The following KCNMA1 variants were observed in gnomAD, a reference collection of about 807,000 sequenced individuals.
The protein encoded by KCNMA1 is potassium calcium-activated channel subfamily M alpha 1.
Under a neutral mutation model 140.0 loss-of-function variants are expected in KCNMA1, and 29 were observed. That is an observed-to-expected ratio of 0.21 (90% confidence interval 0.15 to 0.28). The LOEUF (loss-of-function observed/expected upper bound fraction) is 0.28, where lower values mean the gene tolerates loss of function less well. Ranked by LOEUF, KCNMA1 falls within the 10% of genes least tolerant of loss-of-function variation. The pLI is 1.00. For synonymous variants in KCNMA1, 612 were observed against 611.9 expected, an observed-to-expected ratio of 1.00 and a Z score of 0.00; for missense variants, 880 against 1,602.2, an observed-to-expected ratio of 0.55 and a Z score of 7.70.
intron 2 of KCNMA1, among the ~76,000 whole-genome samples, chr10:77,377,972 G>T (rs879390165): frequency 6.6e-6 from 1 of 152,174 alleles, no homozygotes; most frequent in Non-Finnish European, 1.5e-5. Flanking sequence ...ATGAATATTT[G>T]CCCTTTCCAG....
At chr10:76,915,789 TC>T (rs1252538989) in intron 23 of KCNMA1, among the ~76,000 whole-genome samples, 2 of 152,134 alleles carry the variant, frequency 1.3e-5, no homozygotes, top group Non-Finnish European at 2.9e-5. Context: ...AGGAAGTGTT[TC>T]CTTGCTCTTA....
chr10:77,609,407 G>A (rs1397363916), intron 1 of KCNMA1, among the ~76,000 whole-genome samples: 1 of 152,214 alleles, frequency 6.6e-6, no homozygotes, highest in Non-Finnish European at 1.5e-5. Context: ...GAGCTCATAG[G>A]AGCAGAAAGC....
intron 1 of KCNMA1, among the ~76,000 whole-genome samples, chr10:77,536,433 G>A (rs2058898434): frequency 6.6e-6 from 1 of 152,124 alleles, no homozygotes; most frequent in Admixed American, 6.5e-5. Flanking sequence ...TCACTTCACT[G>A]ATCTTCAATA....
At chr10:76,880,363 A>G (rs1037653867), downstream of KCNMA1, among the ~76,000 whole-genome samples, 10 of 152,142 alleles carry the variant, frequency 6.6e-5, no homozygotes, top group South Asian at 1.0e-3. Context: ...TGCTGCCTCA[A>G]CACAAGGAGT....
At chr10:77,155,117 G>A (rs888762905) in intron 5 of KCNMA1, among the ~76,000 whole-genome samples, 25 of 152,174 alleles carry the variant, frequency 1.6e-4, no homozygotes, top group African/African-American at 4.3e-4. Context: ...TTTATGGGCC[G>A]TAAGGAGGTC....
chr10:77,547,055 A>G (rs1384299453), intron 1 of KCNMA1, among the ~76,000 whole-genome samples: 1 of 152,202 alleles, frequency 6.6e-6, no homozygotes, highest in South Asian at 2.1e-4. Flanking sequence ...AAGAGAGCCC[A>G]TAACTCCACA....
At position 77,334,121 on chromosome 10, in the gene KCNMA1, G is replaced by A. The variant is rs941179897; in HGVS notation, c.540+69741C>T. ...CCACCAGGCTGCTTATTATACTATCGGACATGTAAGCACTTTACTTGGAAA... is the reference window on the plus strand; with the variant it reads ...CCACCAGGCTGCTTATTATACTATCAGACATGTAAGCACTTTACTTGGAAA... On this transcript the variant is annotated intron_variant, in intron 2 of 27. Coordinates refer to ENST00000286628, the MANE Select transcript of KCNMA1 (RefSeq NM_001161352.2). Among the ~76,000 whole-genome samples, 10 of 151,956 alleles carry A rather than the reference G, an allele frequency of 6.6e-5. No homozygotes were observed. In the South Asian group the frequency reaches 1.0e-3, roughly 16 times the overall value.
At chr10:77,580,402 T>C (rs1183041158) in intron 1 of KCNMA1, among the ~76,000 whole-genome samples, 1 of 145,370 alleles carries the variant, frequency 6.9e-6, no homozygotes, top group African/African-American at 2.5e-5. Flanking sequence ...AAAAAAGAAA[T>C]GTCTTTATTT....
chr10:77,262,748 G>A (rs555264741), intron 2 of KCNMA1, among the ~76,000 whole-genome samples: 2 of 152,022 alleles, frequency 1.3e-5, no homozygotes, highest in African/African-American at 2.4e-5. Flanking sequence ...TTTGCCTTCC[G>A]CCATGATTGT....
At chr10:77,617,901 C>T (rs1182813889) in intron 1 of KCNMA1, among the ~76,000 whole-genome samples, 2 of 152,112 alleles carry the variant, frequency 1.3e-5, no homozygotes, top group Non-Finnish European at 2.9e-5. Context: ...TCGGGAGCCC[C>T]TTCAGCAGTC....
At chr10:77,171,717 C>A (rs182853219) in intron 5 of KCNMA1, among the ~76,000 whole-genome samples, 2 of 152,240 alleles carry the variant, frequency 1.3e-5, no homozygotes, top group Admixed American at 1.3e-4. Flanking sequence ...CTCAGCCCTA[C>A]CTTTCAGAGA....
intron 9 of KCNMA1, among the ~76,000 whole-genome samples, chr10:77,101,396 T>C (rs1370603004): frequency 2.6e-5 from 4 of 152,236 alleles, no homozygotes; most frequent in African/African-American, 4.8e-5. Context: ...TCCAAGATGT[T>C]CTGTCAACTT....
intron 1 of KCNMA1, among the ~76,000 whole-genome samples, chr10:77,579,016 G>T (rs552442835): frequency 6.6e-6 from 1 of 152,188 alleles, no homozygotes; most frequent in East Asian, 1.9e-4. Flanking sequence ...TCCCGGAGTC[G>T]TTGGGCTTCT....
chr10:77,470,637 G>A (rs2098129610), intron 1 of KCNMA1, among the ~76,000 whole-genome samples: 1 of 152,228 alleles, frequency 6.6e-6, no homozygotes, highest in South Asian at 2.1e-4. Context: ...AGAGCAGAAA[G>A]AAGGCACTTG....
chr10:77,003,980 T>C (rs1409107172), intron 18 of KCNMA1, among the ~76,000 whole-genome samples: 3 of 152,142 alleles, frequency 2.0e-5, no homozygotes, highest in African/African-American at 4.8e-5. Flanking sequence ...CTGGCGACCA[T>C]GCATTGTTCT....
chr10:77,143,341 G>A (rs958694499), intron 5 of KCNMA1, among the ~76,000 whole-genome samples: 10 of 152,012 alleles, frequency 6.6e-5, no homozygotes, highest in African/African-American at 2.4e-4. Flanking sequence ...CATTTTAATA[G>A]GCATCAAAAA....
intron 25 of KCNMA1, among the ~76,000 whole-genome samples, chr10:76,895,046 C>T (rs565316977): frequency 1.2e-4 from 19 of 152,330 alleles, no homozygotes; most frequent in South Asian, 1.0e-3. Context: ...CGCACTTAAT[C>T]GGTTATGTTA....
chr10:77,274,399 T>TCTC (rs1175742640), intron 2 of KCNMA1, among the ~76,000 whole-genome samples: 1 of 152,056 alleles, frequency 6.6e-6, no homozygotes, highest in Non-Finnish European at 1.5e-5. Context: ...TTATTTAAGA[T>TCTC]CTCCTCCCCA....
At chr10:77,426,313 T>A (rs937816934) in intron 1 of KCNMA1, among the ~76,000 whole-genome samples, 1 of 152,212 alleles carries the variant, frequency 6.6e-6, no homozygotes, top group African/African-American at 2.4e-5. Flanking sequence ...TTTTTTTGTA[T>A]ATAACAGACA....
Sources: allele counts gnomAD v4.1 joint callset (sites outside exome capture counted in the v4.1 genomes callset), GRCh38; gene constraint gnomAD v4.1.1; transcripts MANE v1.5; gene names NCBI Gene and HGNC (gene_info 2026-07-23, HGNC 2026-07-21).